Variants in ABCA4 observed in about 807,000 individuals in gnomAD.
ABCA4 encodes retinal-specific phospholipid-transporting ATPase ABCA4.
In ABCA4, 196 loss-of-function variants were observed where a neutral mutation model predicts 263.7. That is an observed-to-expected ratio of 0.74 (90% CI 0.66 to 0.84). The LOEUF (loss-of-function observed/expected upper bound fraction) is 0.84. Among genes scored for constraint, ABCA4 ranks in the 40% least tolerant of loss-of-function variants. The pLI is 0.00. For synonymous variants in ABCA4, 1,133 were observed against 1,094.2 expected, an observed-to-expected ratio of 1.04 and a Z score of -0.70; for missense variants, 2,792 against 2,855.1, an observed-to-expected ratio of 0.98 and a Z score of 0.50.
chr1:94,112,387 A>G (rs1662632328), intron 2 of ABCA4, among the ~76,000 whole-genome samples: 1 of 152,216 alleles, frequency 6.6e-6, no homozygotes, highest in Non-Finnish European at 1.5e-5. Context: ...TCTCTTTAAA[A>G]CGAGAGAGTT....
At chr1:94,062,548 TGGA>T (rs1557787284) in intron 13 of ABCA4, 26 bp downstream of exon 13, 1 of 1,406,908 alleles carries the variant, frequency 7.1e-7, no homozygotes, top group East Asian at 3.2e-5. Flanking sequence ...TAGCGTGTCA[TGGA>T]GGAGGATCGC....
chr1:94,066,188 A>C (rs1661263001), intron 11 of ABCA4, among the ~76,000 whole-genome samples: 1 of 152,216 alleles, frequency 6.6e-6, no homozygotes, highest in Admixed American at 6.5e-5. Context: ...TGGGCCTGAC[A>C]CCCAGTGTTT....
rs554042306 is a variant in ABCA4, at chr1:94,036,385, T to A, written c.3862+355A>T. On this transcript the variant is annotated intron_variant, in intron 26 of 49. Transcript: ENST00000370225. ...TTCATGACTTTTTCCTTAGACTTTT[T>A]TTTTTTTTTGAGATGGATTTTGCTC... Among the ~76,000 whole-genome samples, 4 of 151,624 alleles carry A rather than the reference T, an allele frequency of 2.6e-5. No individual in the cohort carries two copies. In the East Asian group the frequency reaches 7.7e-4, roughly 29 times the overall value.
intron 26 of ABCA4, among the ~76,000 whole-genome samples, chr1:94,034,728 C>A (rs1660296730): frequency 6.6e-6 from 1 of 151,778 alleles, no homozygotes; most frequent in African/African-American, 2.4e-5. Context: ...TCTGTGAGCT[C>A]AGTTCCCCCC....
intron 32 of ABCA4, among the ~76,000 whole-genome samples, chr1:94,022,341 C>T (rs1022155361): frequency 7.9e-5 from 12 of 152,204 alleles, no homozygotes; most frequent in Non-Finnish European, 1.6e-4. Flanking sequence ...TTGGGAGCAT[C>T]GAGCCAACTC....
At chr1:94,063,700 A>C (rs1661191071) in intron 11 of ABCA4, among the ~76,000 whole-genome samples, 1 of 152,104 alleles carries the variant, frequency 6.6e-6, no homozygotes, top group African/African-American at 2.4e-5. Flanking sequence ...AAGATCAGAA[A>C]GCCTGACGAT....
intron 48 of ABCA4, among the ~76,000 whole-genome samples, chr1:93,996,450 C>T (rs1402796711): frequency 5.9e-5 from 9 of 152,154 alleles, no homozygotes; most frequent in Admixed American, 5.9e-4. Flanking sequence ...GACTTGGGCA[C>T]CAGACATTGG....
At chr1:94,077,218 G>A (rs1661559282) in intron 11 of ABCA4, among the ~76,000 whole-genome samples, 2 of 152,336 alleles carry the variant, frequency 1.3e-5, no homozygotes, top group South Asian at 2.1e-4. Context: ...TGCTGAGGAC[G>A]TTAATTAGGA....
chr1:94,111,370 G>T (rs761188244), intron 3 of ABCA4, 68 bp downstream of exon 3: 8 of 1,581,758 alleles, frequency 5.1e-6, no homozygotes, highest in South Asian at 2.3e-5. Context: ...GTGCACGCAC[G>T]TGTGCATTTC....
chr1:94,063,047 T>G, intron 12 of ABCA4, 65 bp downstream of exon 12: 10 of 1,465,244 alleles, frequency 6.8e-6, no homozygotes, highest in Non-Finnish European at 8.6e-6. Context: ...AATCCCTTTC[T>G]CTCTACCAAA....
At chr1:94,007,912 T>C (rs1049484456) in intron 42 of ABCA4, among the ~76,000 whole-genome samples, 172 bp from the exon 43 acceptor site, 1 of 152,196 alleles carries the variant, frequency 6.6e-6, no homozygotes, top group Non-Finnish European at 1.5e-5. Context: ...TAAGTCCCAG[T>C]TGACACGGGC....
chr1:94,012,911 C>G (rs183214844), intron 38 of ABCA4, among the ~76,000 whole-genome samples: 5 of 152,184 alleles, frequency 3.3e-5, no homozygotes, highest in African/African-American at 7.2e-5. Context: ...TGATCTCACA[C>G]GGGCCGGCAG....
intron 1 of ABCA4, among the ~76,000 whole-genome samples, chr1:94,114,219 C>A (rs1017989655): frequency 6.6e-6 from 1 of 152,166 alleles, no homozygotes; most frequent in Non-Finnish European, 1.5e-5. Flanking sequence ...TGCTCCTTTC[C>A]TGCTAGTAAG....
At chr1:94,081,189 C>A (rs963921042) in intron 7 of ABCA4, among the ~76,000 whole-genome samples, 4 of 152,140 alleles carry the variant, frequency 2.6e-5, no homozygotes, top group African/African-American at 9.7e-5. Flanking sequence ...CGTGCCACTG[C>A]ACTCCAGCCT....
intron 47 of ABCA4, among the ~76,000 whole-genome samples, chr1:94,000,236 C>T (rs915266571): frequency 3.3e-5 from 5 of 152,186 alleles, no homozygotes; most frequent in African/African-American, 7.2e-5. Context: ...CGTGAATGAG[C>T]ACGGCAATAT....
intron 1 of ABCA4, among the ~76,000 whole-genome samples, chr1:94,113,985 G>A (rs1460561589): frequency 6.6e-6 from 1 of 152,198 alleles, no homozygotes; most frequent in East Asian, 1.9e-4. Flanking sequence ...ATGTGAGTTG[G>A]AGAGTAGAAT....
At chr1:94,048,478 C>T (rs1487960511) in intron 18 of ABCA4, among the ~76,000 whole-genome samples, 1 of 152,162 alleles carries the variant, frequency 6.6e-6, no homozygotes, top group Non-Finnish European at 1.5e-5. Flanking sequence ...GTCTCTTTCC[C>T]CCTGGACACA....
At chr1:94,042,098 CAAAAAAAAAA>C (rs11334956) in intron 22 of ABCA4, among the ~76,000 whole-genome samples, 4 of 81,270 alleles carry the variant, frequency 4.9e-5, no homozygotes, top group Non-Finnish European at 9.2e-5. Flanking sequence ...GATTCTGTCT[CAAAAAAAAAA>C]AAAAAAAAAA....
chr1:94,106,760 G>A (rs1281821358), intron 4 of ABCA4, among the ~76,000 whole-genome samples: 3 of 152,196 alleles, frequency 2.0e-5, no homozygotes, highest in Non-Finnish European at 2.9e-5. Flanking sequence ...CTTGGATGGG[G>A]AGAGAGGGCT....
Sources: gnomAD v4.1 joint callset for allele counts (sites outside exome capture counted in the v4.1 genomes callset) on GRCh38, gnomAD v4.1.1 for gene constraint, MANE v1.5 for transcripts, NCBI Gene and HGNC (gene_info 2026-07-23, HGNC 2026-07-21) for gene names.